The following PAK1 variants were observed in gnomAD, a reference collection of about 807,000 sequenced individuals.
The protein encoded by PAK1 is p21 (RAC1) activated kinase 1.
In PAK1, 29 loss-of-function variants were observed where a neutral mutation model predicts 67.4. The observed-to-expected ratio is 0.43, with a 90% CI of 0.32 to 0.59. PAK1 has a LOEUF of 0.59. PAK1 is among the 20% of genes least tolerant of loss of function. The pLI is 0.07. For missense variants in PAK1, 337 were observed against 670.7 expected (o/e 0.50, Z 5.50); for synonymous variants, 223 against 237.4 (o/e 0.94, Z 0.56).
At chr11:77,405,473 A>G (rs1490703247) in intron 1 of PAK1, among the ~76,000 whole-genome samples, 2 of 152,108 alleles carry the variant, frequency 1.3e-5, no homozygotes, top group African/African-American at 4.8e-5. Flanking sequence ...GATGATTGGC[A>G]ATAGGGGGAG....
intron 1 of PAK1, among the ~76,000 whole-genome samples, chr11:77,453,549 G>A (rs1956954877): frequency 6.6e-6 from 1 of 151,464 alleles, no homozygotes; most frequent in Non-Finnish European, 1.5e-5. Flanking sequence ...AAAAGGGCAT[G>A]GTATTACAAA....
chr11:77,324,832 T>C (rs1331313333), intron 14 of PAK1, among the ~76,000 whole-genome samples: 2 of 151,786 alleles, frequency 1.3e-5, no homozygotes, highest in African/African-American at 4.8e-5. Context: ...GAAACATATA[T>C]ACTAATATTC....
the PAK1 span, among the ~76,000 whole-genome samples, chr11:77,516,501 A>C: frequency 6.6e-6 from 1 of 152,204 alleles, no homozygotes; most frequent in African/African-American, 2.4e-5. Context: ...TACTTAGAAC[A>C]TATTAAGCAG....
intron 1 of PAK1, among the ~76,000 whole-genome samples, chr11:77,397,920 C>G (rs1005297244): frequency 5.3e-5 from 8 of 152,188 alleles, no homozygotes; most frequent in African/African-American, 1.9e-4. Flanking sequence ...CCTCTTTAAA[C>G]TGATAGAAAT....
intron 1 of PAK1, among the ~76,000 whole-genome samples, chr11:77,440,808 G>A (rs1220574713): frequency 6.6e-6 from 1 of 152,136 alleles, no homozygotes; most frequent in Non-Finnish European, 1.5e-5. Context: ...TAAGCTGCTG[G>A]AAGCAAGATT....
chr11:77,461,903 C>G (rs556919372), intron 1 of PAK1, among the ~76,000 whole-genome samples: 3 of 152,322 alleles, frequency 2.0e-5, no homozygotes, highest in African/African-American at 7.2e-5. Flanking sequence ...AGCTGACCCA[C>G]TAGAAGACAA....
chr11:77,382,509 G>C (rs1026191879), intron 2 of PAK1, among the ~76,000 whole-genome samples: 2 of 152,062 alleles, frequency 1.3e-5, no homozygotes, highest in African/African-American at 2.4e-5. Flanking sequence ...TCTTCTTCCT[G>C]TTAATTCCCA....
At chr11:77,520,364 A>G in the PAK1 span, among the ~76,000 whole-genome samples, 37 of 152,188 alleles carry the variant, frequency 2.4e-4, no homozygotes, top group African/African-American at 7.7e-4. Context: ...TTGCATGACC[A>G]TTTAGAGTGT....
chr11:77,482,719 G>A, the PAK1 span, among the ~76,000 whole-genome samples: 165 of 151,600 alleles, frequency 1.1e-3, 1 homozygote, highest in Middle Eastern at 6.8e-3. Context: ...TCAGCCTTCA[G>A]CCTGCTGAGT....
At chr11:77,519,857 C>T in the PAK1 span, among the ~76,000 whole-genome samples, 1 of 152,164 alleles carries the variant, frequency 6.6e-6, no homozygotes, top group Non-Finnish European at 1.5e-5. Context: ...GTAAATAGAG[C>T]AGGATTTCAT....
intron 1 of PAK1, among the ~76,000 whole-genome samples, chr11:77,438,211 G>A (rs1408566744): frequency 6.6e-6 from 1 of 152,094 alleles, no homozygotes; most frequent in Non-Finnish European, 1.5e-5. Flanking sequence ...CACATAGCCA[G>A]AGCAGGAGCA....
At chr11:77,479,436 T>A (rs1021558821), upstream of PAK1, among the ~76,000 whole-genome samples, 1 of 151,864 alleles carries the variant, frequency 6.6e-6, no homozygotes, top group Non-Finnish European at 1.5e-5. Context: ...AGAAAACTTA[T>A]AGGGGGCCAA....
At chr11:77,525,865 A>T in the PAK1 span, among the ~76,000 whole-genome samples, 1 of 152,194 alleles carries the variant, frequency 6.6e-6, no homozygotes, top group African/African-American at 2.4e-5. Flanking sequence ...AAGTCACTAG[A>T]ACAACAGGAG....
Position 77,405,645 on chromosome 11 carries a change from C to T in PAK1, c.-21-13104G>A, listed in dbSNP as rs189957381. On this transcript the variant is annotated intron_variant, in intron 1 of 14. Transcript: ENST00000356341. ...GAATGTAAACAAGTTTTGGCATCTC[C>T]TATTCAAAGACAGACAGACAGACAG... Among the ~76,000 whole-genome samples, 3 of 147,936 alleles carry T rather than the reference C, an allele frequency of 2.0e-5. No homozygotes were observed. In the East Asian group the frequency reaches 6.0e-4, roughly 30 times the overall value.
intron 1 of PAK1, among the ~76,000 whole-genome samples, chr11:77,435,059 C>T (rs1477314703): frequency 6.7e-6 from 1 of 148,424 alleles, no homozygotes; most frequent in Non-Finnish European, 1.5e-5. Flanking sequence ...CCACTATGCC[C>T]AGCCAAGACA....
At chr11:77,475,886 A>T (rs923624562), upstream of PAK1, 13 of 152,230 alleles carry the variant, frequency 8.5e-5, no homozygotes, top group African/African-American at 3.1e-4. Flanking sequence ...AATATATTTA[A>T]TAAGGCCAGG....
intron 10 of PAK1, 106 bp downstream of exon 10, chr11:77,343,713 T>C: frequency 2.8e-6 from 2 of 725,486 alleles, no homozygotes; most frequent in Non-Finnish European, 5.0e-6. Flanking sequence ...AGAAGACTCA[T>C]AAATGGAGGC....
chr11:77,501,489 T>C, the PAK1 span, among the ~76,000 whole-genome samples: 2 of 152,186 alleles, frequency 1.3e-5, no homozygotes, highest in Non-Finnish European at 2.9e-5. Context: ...CAGCTTTCCC[T>C]TGGGGAACCA....
rs770320472 is a variant in PAK1 at position 77,414,958 on chromosome 11, C to A, written c.-21-22417G>T. On this transcript the variant is annotated intron_variant, in intron 1 of 14. Transcript: ENST00000356341. ...GTGTTAAGAGAACAAAGAAACAAAC[C>A]ACAGACTGGGAGAAAACACATCTAA... Among the ~76,000 whole-genome samples, 3 of 151,816 alleles carry A rather than the reference C, an allele frequency of 2.0e-5. No homozygotes were observed. In the East Asian group the frequency reaches 5.8e-4, roughly 29 times the overall value.
Sources: gnomAD v4.1 joint callset for allele counts (sites outside exome capture counted in the v4.1 genomes callset) on GRCh38, gnomAD v4.1.1 for gene constraint, MANE v1.5 for transcripts, NCBI Gene and HGNC (gene_info 2026-07-23, HGNC 2026-07-21) for gene names.